Variants in TRPM3 observed in about 807,000 individuals in gnomAD.
The protein encoded by TRPM3 is long transient receptor potential channel 3.
Under a neutral mutation model 181.2 loss-of-function variants are expected in TRPM3, and 77 were observed. That is an observed-to-expected ratio of 0.42 (90% confidence interval 0.35 to 0.51). The LOEUF is 0.51. Ranked by LOEUF, TRPM3 falls within the 20% of genes least tolerant of loss-of-function variation. TRPM3 has a pLI of 0.01. For synonymous variants in TRPM3, 745 were observed against 796.4 expected (o/e 0.94, Z 1.09); for missense variants, 1,759 against 2,196.7 (o/e 0.80, Z 3.98).
At chr9:70,672,772 T>C (rs2063226051) in intron 9 of TRPM3, among the ~76,000 whole-genome samples, 1 of 152,190 alleles carries the variant, frequency 6.6e-6, no homozygotes, top group South Asian at 2.1e-4. Context: ...GAATAATTAC[T>C]AGTTGTACTT....
intron 1 of TRPM3, among the ~76,000 whole-genome samples, chr9:71,224,375 C>T (rs1199368729): frequency 6.6e-6 from 1 of 152,200 alleles, no homozygotes; most frequent in East Asian, 1.9e-4. Context: ...GCTAAAGTGA[C>T]CACTGGATCG....
rs762687739 is a variant in TRPM3 at position 70,591,071 on chromosome 9, A to G, written c.3183T>C (p.Tyr1061=). 3.1e-6 allele frequency: 5 copies of G among 1,614,148 alleles called. No homozygotes were observed. The South Asian group carries it at 4.4e-5, about 14-fold the overall frequency. The change falls in exon 22 of 26, where the codon TAT becomes TAC. Residue 1061 remains tyrosine, a synonymous_variant. Transcript: ENST00000677713. ...CAAACACTTCCCCATAAATCATCCA[A>G]TAGGGCATGTAGAAGATGTTCTTGG... The part of the protein sequence containing the change: ...KLAKNIFYMP[Y]WMIYGEVFAD...
intron 9 of TRPM3, among the ~76,000 whole-genome samples, chr9:70,654,654 AAGG>A (rs2060030013): frequency 6.6e-6 from 1 of 151,398 alleles, no homozygotes; most frequent in Non-Finnish European, 1.5e-5. Flanking sequence ...AGGAGTAAAC[AAGG>A]AGAATGACCC....
chr9:70,586,300 G>T (rs1399219789), intron 22 of TRPM3, among the ~76,000 whole-genome samples: 3 of 152,234 alleles, frequency 2.0e-5, no homozygotes, highest in African/African-American at 7.2e-5. Context: ...ACTGAAGAAA[G>T]AATTCAAAGT....
At chr9:71,165,353 G>A (rs904342553) in intron 1 of TRPM3, among the ~76,000 whole-genome samples, 5 of 152,054 alleles carry the variant, frequency 3.3e-5, no homozygotes, top group African/African-American at 1.2e-4. Flanking sequence ...TTTTGTTATG[G>A]GTTTTGTTGT....
intron 1 of TRPM3, among the ~76,000 whole-genome samples, chr9:71,035,099 T>C (rs983590062): frequency 3.3e-5 from 5 of 152,312 alleles, no homozygotes; most frequent in Admixed American, 2.6e-4. Context: ...AACTCTTTTG[T>C]TGTAGTTAAT....
intron 1 of TRPM3, among the ~76,000 whole-genome samples, chr9:70,995,720 A>T (rs755618694): frequency 2.0e-5 from 3 of 152,172 alleles, no homozygotes; most frequent in Non-Finnish European, 4.4e-5. Context: ...TATGGGCAAG[A>T]TGACACATAA....
intron 1 of TRPM3, among the ~76,000 whole-genome samples, chr9:70,939,854 G>C (rs778843293): frequency 1.3e-5 from 2 of 152,166 alleles, no homozygotes; most frequent in Non-Finnish European, 2.9e-5. Flanking sequence ...GTTGCTCCTT[G>C]AAGTTTGAAG....
At chr9:71,099,038 C>A (rs2067820708) in intron 1 of TRPM3, among the ~76,000 whole-genome samples, 1 of 152,116 alleles carries the variant, frequency 6.6e-6, no homozygotes, top group Admixed American at 6.6e-5. Flanking sequence ...GAAGCCAAAG[C>A]AATATTAGCT....
At chr9:70,672,114 C>T (rs1239902696) in intron 9 of TRPM3, among the ~76,000 whole-genome samples, 2 of 152,088 alleles carry the variant, frequency 1.3e-5, no homozygotes, top group Non-Finnish European at 2.9e-5. Context: ...CTTTCCCCCT[C>T]TCCTGGTTTT....
intron 1 of TRPM3, among the ~76,000 whole-genome samples, chr9:70,927,668 C>T (rs149170336): frequency 3.3e-5 from 5 of 152,140 alleles, no homozygotes; most frequent in East Asian, 1.9e-4. Flanking sequence ...CTTAGGCCTG[C>T]GCACAGAGTC....
chr9:70,970,492 C>T (rs1039186575), intron 1 of TRPM3, among the ~76,000 whole-genome samples: 2 of 152,130 alleles, frequency 1.3e-5, no homozygotes, highest in African/African-American at 2.4e-5. Context: ...CAGCGATGGG[C>T]CTTCCGTGGG....
At chr9:71,130,370 GT>G (rs1415459316) in intron 1 of TRPM3, among the ~76,000 whole-genome samples, 2 of 152,100 alleles carry the variant, frequency 1.3e-5, no homozygotes, top group African/African-American at 4.8e-5. Flanking sequence ...AACTTATGAC[GT>G]TTGTTTCAAT....
chr9:70,803,750 G>A (rs1403041400), intron 6 of TRPM3, among the ~76,000 whole-genome samples: 24 of 150,974 alleles, frequency 1.6e-4, no homozygotes, highest in East Asian at 1.2e-3. Context: ...ACGCCCGGCC[G>A]AGCTCCCCTT....
At chr9:71,224,737 G>A (rs539665829) in intron 1 of TRPM3, among the ~76,000 whole-genome samples, 1 of 151,580 alleles carries the variant, frequency 6.6e-6, no homozygotes, top group Admixed American at 6.6e-5. Flanking sequence ...AGAAAATCTG[G>A]AGTTGAAAAA....
At chr9:70,998,224 C>CAT (rs1554794808) in intron 1 of TRPM3, among the ~76,000 whole-genome samples, 107 of 128,578 alleles carry the variant, frequency 8.3e-4, no homozygotes, top group Non-Finnish European at 1.4e-3. Flanking sequence ...CATATATATA[C>CAT]ATATACACAC....
chr9:70,748,234 T>C lies in TRPM3; in HGVS notation c.1272+13367A>G, dbSNP rs150242156. 3.3e-4 allele frequency among the ~76,000 whole-genome samples: 51 copies of C among 152,276 alleles called. 1 individual carries two copies. Among genetic ancestry groups the C allele is most frequent in the African/African-American group, 1.1e-3 (46 of 41,556 alleles). ...GGCCTAATATCTTTGCTTCCATTTA[T>C]TCCATTAGCACAATTTGTAAGTCCT... is the stretch of plus-strand genomic sequence containing the variant. On this transcript the variant is annotated intron_variant, in intron 8 of 25. Coordinates refer to ENST00000677713, the MANE Select transcript of TRPM3 (RefSeq NM_001366145.2).
chr9:70,791,424 T>C (rs1255527986), intron 6 of TRPM3, among the ~76,000 whole-genome samples: 1 of 152,220 alleles, frequency 6.6e-6, no homozygotes, highest in Non-Finnish European at 1.5e-5. Flanking sequence ...GGTTGGAACT[T>C]CCCAAGGCAT....
chr9:71,289,138 C>T (rs1441740578), intron 1 of TRPM3, among the ~76,000 whole-genome samples: 1 of 150,824 alleles, frequency 6.6e-6, no homozygotes, highest in Non-Finnish European at 1.5e-5. Flanking sequence ...AAAGGCATCA[C>T]AAAATATGTA....
Sources: allele counts gnomAD v4.1 joint callset (sites outside exome capture counted in the v4.1 genomes callset), GRCh38; gene constraint gnomAD v4.1.1; transcripts MANE v1.5; gene names NCBI Gene and HGNC (gene_info 2026-07-23, HGNC 2026-07-21).